The following MCPH1 variants were observed in gnomAD, a reference collection of about 807,000 sequenced individuals.
The protein encoded by MCPH1 is microcephalin 1.
A neutral mutation model predicts 84.5 loss-of-function variants in MCPH1; 104 were observed. The observed-to-expected ratio is 1.23, with a 90% CI of 1.05 to 1.45. The LOEUF (loss-of-function observed/expected upper bound fraction) is 1.45. Ranked by LOEUF, MCPH1 falls within the 40% of genes most tolerant of loss-of-function variation. MCPH1 has a pLI of 0.00. For missense variants in MCPH1, 1,498 were observed against 1,005.7 expected (o/e 1.49, Z -6.62); for synonymous variants, 514 against 366.8 (o/e 1.40, Z -4.58).
chr8:6,531,544 G>A (rs1182730258), intron 12 of MCPH1, among the ~76,000 whole-genome samples: 7 of 152,026 alleles, frequency 4.6e-5, no homozygotes, highest in Non-Finnish European at 8.8e-5. Context: ...CACCCATCTC[G>A]GCCTCCCAAA....
At chr8:6,550,907 A>G (rs1400409712) in intron 12 of MCPH1, among the ~76,000 whole-genome samples, 1 of 152,206 alleles carries the variant, frequency 6.6e-6, no homozygotes, top group Non-Finnish European at 1.5e-5. Flanking sequence ...TTTCACAATT[A>G]CAGCCCAAGG....
chr8:6,637,212 T>C lies in MCPH1; in HGVS notation c.2453-5782T>C, dbSNP rs539037463. Among the ~76,000 whole-genome samples, 405 of 152,274 alleles carry C rather than the reference T, an allele frequency of 2.7e-3. 2 individuals are homozygous for C. The highest frequency in any genetic ancestry group is 9.4e-3 in the African/African-American group (391 of 41,550). ...ATACAGCCTTTGCCCTTGTGGGACT[T>C]AACATTTAAGAGAGAAGACAGGCAG... On this transcript the variant is annotated intron_variant, in intron 13 of 13. Transcript: ENST00000344683.
intron 3 of MCPH1, among the ~76,000 whole-genome samples, chr8:6,427,705 C>T (rs1014167525): frequency 3.3e-5 from 5 of 151,892 alleles, no homozygotes; most frequent in Non-Finnish European, 7.4e-5. Flanking sequence ...TAATCTATCT[C>T]TCTGTTACTT....
chr8:6,416,087 T>C (rs1563173802), intron 3 of MCPH1, among the ~76,000 whole-genome samples: 2 of 152,206 alleles, frequency 1.3e-5, no homozygotes, highest in Non-Finnish European at 2.9e-5. Flanking sequence ...TTTTTTTAAG[T>C]TGTTAGCTGT....
chr8:6,495,961 G>A (rs983330423), intron 11 of MCPH1, among the ~76,000 whole-genome samples: 10 of 152,168 alleles, frequency 6.6e-5, no homozygotes, highest in African/African-American at 2.4e-4. Flanking sequence ...TTGGCACCAA[G>A]GACCAGTTTT....
intron 13 of MCPH1, among the ~76,000 whole-genome samples, chr8:6,637,800 G>A (rs552534640): frequency 3.3e-5 from 5 of 152,050 alleles, no homozygotes; most frequent in Non-Finnish European, 5.9e-5. Flanking sequence ...AAGCAGTCTC[G>A]GACCTTTGCA....
In MCPH1 at chr8:6,461,325, C is replaced by CTTTTT. The variant is rs11419705; in HGVS notation, c.1935+6087_1935+6091dup. On this transcript the variant is annotated intron_variant, in intron 9 of 13. Coordinates refer to ENST00000344683, the MANE Select transcript of MCPH1 (RefSeq NM_024596.5). ...TATACTTGTTTCAAATTTGTTGAGA[C>CTTTTT]TTTTTTTTTTTTTTTTTTGAGATGG... is the stretch of plus-strand genomic sequence containing the variant. 1.4e-4 allele frequency among the ~76,000 whole-genome samples: 15 copies of CTTTTT among 110,978 alleles called. 1 individual carries two copies. The highest frequency in any genetic ancestry group is 2.9e-4 in the African/African-American group (8 of 27,170). 72.8% of individuals were successfully genotyped at this position (110,978 alleles called of 152,430 possible). A position where few individuals can be genotyped will look rare whatever the true frequency, so the allele number is the denominator to read the frequency against.
At chr8:6,426,149 C>T (rs577763898) in intron 3 of MCPH1, among the ~76,000 whole-genome samples, 1 of 152,316 alleles carries the variant, frequency 6.6e-6, no homozygotes, top group East Asian at 1.9e-4. Context: ...TCTGCTCACC[C>T]CATTATTGCA....
intron 12 of MCPH1, among the ~76,000 whole-genome samples, chr8:6,533,696 A>G (rs940601601): frequency 1.1e-4 from 16 of 151,282 alleles, no homozygotes; most frequent in Admixed American, 9.3e-4. Flanking sequence ...TGTAACAAAC[A>G]TTGTTTATTA....
intron 9 of MCPH1, chr8:6,474,384 C>T (rs951069117): frequency 3.1e-6 from 1 of 322,920 alleles, no homozygotes; most frequent in African/African-American, 2.1e-5. Flanking sequence ...TAGGACTGAA[C>T]TCAGGGAGTC....
rs1210978759 is a variant in MCPH1 at position 6,617,937 on chromosome 8, ATCTATCTT to A, written c.2215-3509_2215-3502del. On this transcript the variant is annotated intron_variant, in intron 12 of 13. Transcript: ENST00000344683. ...TATCTATCTATCTATCTATCTATCT[ATCTATCTT>A]TCTATCTATCTAGATGGGGTCTGCC... 1.4e-4 allele frequency among the ~76,000 whole-genome samples: 21 copies of A among 151,220 alleles called. 1 individual carries two copies.
intron 12 of MCPH1, chr8:6,501,241 A>T (rs1209629154): frequency 6.6e-6 from 1 of 152,226 alleles, no homozygotes; most frequent in Non-Finnish European, 1.5e-5. Flanking sequence ...TTCTAAAACT[A>T]CGTCAAGTGG....
intron 12 of MCPH1, among the ~76,000 whole-genome samples, chr8:6,515,927 G>T (rs1816183256): frequency 6.6e-6 from 1 of 152,168 alleles, no homozygotes; most frequent in Non-Finnish European, 1.5e-5. Context: ...CCTACATGAG[G>T]AAAGAGGGGT....
At chr8:6,636,263 C>G (rs1209666143) in intron 13 of MCPH1, among the ~76,000 whole-genome samples, 1 of 151,246 alleles carries the variant, frequency 6.6e-6, no homozygotes, top group Non-Finnish European at 1.5e-5. Flanking sequence ...TCGCTTGAGC[C>G]TGGGAGGTAG....
At chr8:6,474,087 C>G (rs1585982657) in intron 9 of MCPH1, 1 of 779,098 alleles carries the variant, frequency 1.3e-6, no homozygotes, top group Non-Finnish European at 2.4e-6. Context: ...AACACAAAAA[C>G]TATGTGAAAC....
intron 1 of MCPH1, among the ~76,000 whole-genome samples, chr8:6,407,919 C>T (rs940853405): frequency 1.3e-5 from 2 of 152,186 alleles, no homozygotes; most frequent in Admixed American, 6.5e-5. Context: ...ATCACATTCA[C>T]ATTTCCTTCT....
intron 13 of MCPH1, among the ~76,000 whole-genome samples, chr8:6,628,487 A>AC (rs1796921298): frequency 6.6e-6 from 1 of 151,566 alleles, no homozygotes; most frequent in Non-Finnish European, 1.5e-5. Flanking sequence ...AAAAAAAAAA[A>AC]AAAAAAACAT....
At chr8:6,624,119 C>A (rs892039614) in intron 13 of MCPH1, among the ~76,000 whole-genome samples, 3 of 152,324 alleles carry the variant, frequency 2.0e-5, no homozygotes, top group Non-Finnish European at 4.4e-5. Flanking sequence ...GTTGTTTTGC[C>A]GCTCGGCTCT....
chr8:6,529,056 A>G (rs963534290), intron 12 of MCPH1, among the ~76,000 whole-genome samples: 20 of 152,234 alleles, frequency 1.3e-4, no homozygotes, highest in Admixed American at 6.5e-4. Flanking sequence ...CATAAGGGTT[A>G]TAACATGAGT....
Sources: gnomAD v4.1 joint callset for allele counts (sites outside exome capture counted in the v4.1 genomes callset) on GRCh38, gnomAD v4.1.1 for gene constraint, MANE v1.5 for transcripts, NCBI Gene and HGNC (gene_info 2026-07-23, HGNC 2026-07-21) for gene names.